CCDC92B: variants seen among roughly 807,000 people sequenced by gnomAD.
CCDC92B encodes coiled-coil domain containing 92B.
CCDC92B carries 2 observed loss-of-function variants against 5.6 expected under a neutral mutation model. The observed-to-expected ratio is 0.36, with a 90% CI of 0.15 to 1.12. CCDC92B has a LOEUF of 1.12. Ranked by LOEUF, CCDC92B falls within the 50% of genes most tolerant of loss-of-function variation. CCDC92B has a pLI of 0.40. For synonymous variants in CCDC92B, 115 were observed against 122.3 expected (o/e 0.94, Z 0.39); for missense variants, 271 against 262.2 (o/e 1.03, Z -0.23).
chr17:2,748,656 G>A (rs1487790686), intron 1 of CCDC92B, among the ~76,000 whole-genome samples: 1 of 152,126 alleles, frequency 6.6e-6, no homozygotes, highest in Admixed American at 6.6e-5. Context: ...GCTGAAACAG[G>A]GAGAATGGAT....
At chr17:2,730,191 A>G (rs2151738771) in intron 3 of CCDC92B, among the ~76,000 whole-genome samples, 1 of 152,010 alleles carries the variant, frequency 6.6e-6, no homozygotes. Flanking sequence ...AGGTCATCCA[A>G]CTGAGGTGGT....
At chr17:2,726,180 ATAT>A (rs1411876548) in intron 3 of CCDC92B, among the ~76,000 whole-genome samples, 11 of 33,490 alleles carry the variant, frequency 3.3e-4, no homozygotes, top group Non-Finnish European at 5.1e-4. Flanking sequence ...ATATATATAT[ATAT>A]TTTTTTTTTT....
In CCDC92B at chr17:2,724,244, T is replaced by G. The variant is rs2070696165; in HGVS notation, c.*167A>C. ...TCGAAGCTTTGGAAACGTCGGGAAG[T>G]ACAAAAGGCTGGCGGTTCGGGGATT... On this transcript the variant is annotated 3_prime_UTR_variant, in exon 4 of 4. Coordinates refer to ENST00000614400, the MANE Select transcript of CCDC92B (RefSeq NM_001355573.2). This position sits in a 1 kb window ranked among gnomAD's most constrained non-coding sequence, Gnocchi z 5.0. 1.0e-5 allele frequency: 10 copies of G among 985,066 alleles called. No individual in the cohort carries two copies. The highest frequency in any genetic ancestry group is 1.1e-5 in the Non-Finnish European group (9 of 829,764). 61.0% of individuals were successfully genotyped at this position (985,066 alleles called of 1,614,324 possible). A position where few individuals can be genotyped will look rare whatever the true frequency, so the allele number is the denominator to read the frequency against.
intron 1 of CCDC92B, among the ~76,000 whole-genome samples, chr17:2,736,533 G>T (rs1354204045): frequency 6.6e-6 from 1 of 151,952 alleles, no homozygotes; most frequent in African/African-American, 2.4e-5. Flanking sequence ...GACTGCGTGA[G>T]TCCAGGAGTT....
At chr17:2,744,539 T>C (rs754873994) in intron 1 of CCDC92B, among the ~76,000 whole-genome samples, 1 of 152,176 alleles carries the variant, frequency 6.6e-6, no homozygotes, top group African/African-American at 2.4e-5. Flanking sequence ...TGTTAGCAAC[T>C]GAGATGAAGG....
At chr17:2,747,168 A>G (rs1490938667) in intron 1 of CCDC92B, among the ~76,000 whole-genome samples, 1 of 152,026 alleles carries the variant, frequency 6.6e-6, no homozygotes, top group African/African-American at 2.4e-5. Flanking sequence ...TGGGGTTTGC[A>G]TTGTCTGCCA....
rs996563098 is a variant in CCDC92B at position 2,724,041 on chromosome 17, G to T, written c.*370C>A. The T allele has an allele frequency of 3.0e-6, 3 of 984,842 alleles. No homozygotes were observed. The Admixed American group carries it at 1.8e-4, about 61-fold the overall frequency. The allele number at this position is 984,842 out of a possible 1,614,324, so 61.0% of individuals were successfully genotyped here. On this transcript the variant is annotated 3_prime_UTR_variant, in exon 4 of 4. Transcript: ENST00000614400. This position sits in a 1 kb window ranked among gnomAD's most constrained non-coding sequence, Gnocchi z 5.0. ...CCACTCTGCGTCCCTTTCCGTAGGC[G>T]AGCCCAGCCCTCCCCACCCCACCAA...
chr17:2,726,106 G>A (rs1225906571), intron 3 of CCDC92B, among the ~76,000 whole-genome samples: 2 of 145,116 alleles, frequency 1.4e-5, no homozygotes, highest in Non-Finnish European at 3.0e-5. Flanking sequence ...AGCAGTTCTC[G>A]TGCCTCAGCC....
At chr17:2,729,494 C>A (rs1331900837) in intron 3 of CCDC92B, among the ~76,000 whole-genome samples, 306 of 114,192 alleles carry the variant, frequency 2.7e-3, no homozygotes, top group South Asian at 3.4e-3. Flanking sequence ...GACTCCGTCT[C>A]AAAAAAAAAA....
At position 2,739,428 on chromosome 17, in the gene CCDC92B, C is replaced by T. The variant is rs186074904; in HGVS notation, c.-23-4260G>A. On this transcript the variant is annotated intron_variant, in intron 1 of 3. Transcript: ENST00000614400. The stretch of plus-strand genomic sequence containing the variant: ...GGGCGCGGTGGCTCATGCCTGTAAT[C>T]CCAGCACTTTGGGAGGCAGAGGCAG... Among the ~76,000 whole-genome samples the T allele has an allele frequency of 4.2e-3, 642 of 151,644 alleles. 4 individuals carry two copies. Among genetic ancestry groups the T allele is most frequent in the African/African-American group, 0.015 (598 of 41,222 alleles).
chr17:2,731,820 G>A (rs2070797633), intron 2 of CCDC92B, among the ~76,000 whole-genome samples: 1 of 152,238 alleles, frequency 6.6e-6, no homozygotes, highest in African/African-American at 2.4e-5. Flanking sequence ...CCTTGGCCTA[G>A]GTTCAGGGAT....
chr17:2,745,822 C>T (rs1597247520), intron 1 of CCDC92B, among the ~76,000 whole-genome samples: 1 of 152,192 alleles, frequency 6.6e-6, no homozygotes, highest in East Asian at 1.9e-4. Flanking sequence ...CACTAGATGT[C>T]CAGCCTCCTG....
rs184440855 is a variant in CCDC92B at position 2,746,633 on chromosome 17, C to T, written c.-24+2778G>A. On this transcript the variant is annotated intron_variant, in intron 1 of 3. Transcript: ENST00000614400. ...TACCCACTTCCCTACCCAGTTACAA[C>T]TGACTTGGCAAGTGGGAAACTACAG... 4.3e-3 allele frequency among the ~76,000 whole-genome samples: 650 copies of T among 152,254 alleles called. 4 individuals are homozygous for T. The highest frequency in any genetic ancestry group is 0.015 in the African/African-American group (614 of 41,554).
intron 3 of CCDC92B, among the ~76,000 whole-genome samples, chr17:2,725,369 C>T (rs931121147): frequency 1.3e-5 from 2 of 151,914 alleles, no homozygotes; most frequent in African/African-American, 2.4e-5. Context: ...GGTGACACAA[C>T]GAGATTCCGT....
chr17:2,748,928 T>C (rs746067039), intron 1 of CCDC92B, among the ~76,000 whole-genome samples: 25 of 152,154 alleles, frequency 1.6e-4, no homozygotes, highest in Non-Finnish European at 3.7e-4. Flanking sequence ...CCCCCTGCAC[T>C]GAAGCGCTCA....
At chr17:2,728,098 G>A (rs921068601) in intron 3 of CCDC92B, among the ~76,000 whole-genome samples, 1 of 152,036 alleles carries the variant, frequency 6.6e-6, no homozygotes, top group Non-Finnish European at 1.5e-5. Context: ...GGCTGAGGGG[G>A]GCAAATTGCT....
chr17:2,732,906 G>T (rs561780296), intron 2 of CCDC92B, among the ~76,000 whole-genome samples: 1 of 150,852 alleles, frequency 6.6e-6, no homozygotes, highest in Non-Finnish European at 1.5e-5. Context: ...CCAGCTACTC[G>T]GGAGGCTGAG....
rs1302973425 is a variant in CCDC92B, at chr17:2,721,968, G to C, written c.*2443C>G. 9 of 152,272 alleles carry C rather than the reference G, an allele frequency of 5.9e-5. No homozygotes were observed. Among genetic ancestry groups the C allele is most frequent in the Non-Finnish European group, 1.5e-5 (1 of 68,120 alleles). 9.4% of individuals were successfully genotyped at this position (152,272 alleles called of 1,614,324 possible). A position where few individuals can be genotyped will look rare whatever the true frequency, so the allele number is the denominator to read the frequency against. On this transcript the variant is annotated 3_prime_UTR_variant, in exon 4 of 4. Transcript: ENST00000614400. The stretch of plus-strand genomic sequence containing the variant: ...CCTAGCTGGACACCCTGGATGCCCA[G>C]GAGGGAAGGGGGAAGGGGGCTATTG...
intron 1 of CCDC92B, chr17:2,748,506 T>TTG (rs58659149): frequency 0.034 from 32,651 of 966,450 alleles, 414 homozygotes; most frequent in East Asian, 0.25. Context: ...TTCATCGTGT[T>TTG]TGTGTGTGTG....
Sources: gnomAD v4.1 joint callset for allele counts (sites outside exome capture counted in the v4.1 genomes callset) on GRCh38, gnomAD v4.1.1 for gene constraint, Gnocchi (gnomAD v3.1) non-coding constraint, MANE v1.5 for transcripts, NCBI Gene and HGNC (gene_info 2026-07-23, HGNC 2026-07-21) for gene names.